The following CHST11 variants were observed in gnomAD, a reference collection of about 807,000 sequenced individuals.
The protein encoded by CHST11 is C4S-1.
CHST11 carries 9 observed loss-of-function variants against 30.4 expected under a neutral mutation model. That is an observed-to-expected ratio of 0.30 (90% CI 0.18 to 0.52). The LOEUF is 0.52. Ranked by LOEUF, CHST11 falls within the 20% of genes least tolerant of loss-of-function variation. The pLI, the probability that CHST11 is intolerant of heterozygous loss-of-function variation, is 0.97. For synonymous variants in CHST11, 152 were observed against 187.8 expected (o/e 0.81, Z 1.56); for missense variants, 348 against 460.6 (o/e 0.76, Z 2.24).
At chr12:104,622,660 C>A (rs1211830077) in intron 2 of CHST11, among the ~76,000 whole-genome samples, 1 of 152,142 alleles carries the variant, frequency 6.6e-6, no homozygotes, top group African/African-American at 2.4e-5. Flanking sequence ...GAGCAGACAC[C>A]CCTGCCAGGC....
At chr12:104,749,614 C>T (rs1489047726) in intron 2 of CHST11, among the ~76,000 whole-genome samples, 6 of 152,176 alleles carry the variant, frequency 3.9e-5, no homozygotes, top group East Asian at 1.9e-4. Flanking sequence ...TATGAGGGAA[C>T]GGGTTTTTCT....
chr12:104,736,957 G>T (rs1292723000), intron 2 of CHST11, among the ~76,000 whole-genome samples: 2 of 152,188 alleles, frequency 1.3e-5, no homozygotes, highest in Non-Finnish European at 2.9e-5. Context: ...GCTTAAGAAG[G>T]CCAAACCTCA....
intron 2 of CHST11, among the ~76,000 whole-genome samples, chr12:104,605,079 C>T (rs765989416): frequency 7.1e-6 from 1 of 141,702 alleles, no homozygotes; most frequent in South Asian, 2.2e-4. Context: ...ATCCAAATTT[C>T]TTTACCTCTA....
At chr12:104,548,566 T>C (rs2038374936) in intron 1 of CHST11, among the ~76,000 whole-genome samples, 1 of 152,194 alleles carries the variant, frequency 6.6e-6, no homozygotes, top group African/African-American at 2.4e-5. Context: ...ACACTAACAA[T>C]GTTTAAACTT....
At chr12:104,747,252 C>G (rs1770789965) in intron 2 of CHST11, among the ~76,000 whole-genome samples, 1 of 152,240 alleles carries the variant, frequency 6.6e-6, no homozygotes, top group South Asian at 2.1e-4. Flanking sequence ...GGAGGCTGCA[C>G]CATGCAGGGT....
intron 1 of CHST11, among the ~76,000 whole-genome samples, chr12:104,479,646 A>G (rs1360751924): frequency 6.6e-6 from 1 of 152,186 alleles, no homozygotes; most frequent in Non-Finnish European, 1.5e-5. Flanking sequence ...AAAAATATAT[A>G]ATTAGATTTT....
intron 2 of CHST11, among the ~76,000 whole-genome samples, chr12:104,608,468 A>G (rs1357913502): frequency 6.6e-6 from 1 of 152,146 alleles, no homozygotes; most frequent in East Asian, 1.9e-4. Context: ...TCTTGAGCAC[A>G]CGGCACAAGC....
intron 1 of CHST11, among the ~76,000 whole-genome samples, chr12:104,541,032 G>A (rs948753988): frequency 5.9e-5 from 9 of 152,194 alleles, no homozygotes; most frequent in East Asian, 3.9e-4. Flanking sequence ...ATGACCCAGC[G>A]TCCCTGAGGT....
chr12:104,580,109 C>G (rs868098271), intron 1 of CHST11, among the ~76,000 whole-genome samples: 1 of 152,198 alleles, frequency 6.6e-6, no homozygotes, highest in East Asian at 1.9e-4. Context: ...TTTCAAGGCC[C>G]TTCAGCTAGT....
In CHST11 at chr12:104,593,543, G is replaced by A. The variant is rs144725712; in HGVS notation, c.119-8363G>A. On this transcript the variant is annotated intron_variant, in intron 1 of 2. Coordinates refer to ENST00000303694, the MANE Select transcript of CHST11 (RefSeq NM_018413.6). ...TGTAAAGCTCCTGAAGGCCTGATTGGTGGGAGGATATCGGGTCAACATTTG... is the reference window on the plus strand; with the variant it reads ...TGTAAAGCTCCTGAAGGCCTGATTGATGGGAGGATATCGGGTCAACATTTG... Among the ~76,000 whole-genome samples the A allele has an allele frequency of 7.5e-3, 1,137 of 152,328 alleles. 21 individuals are homozygous for A. The highest frequency in any genetic ancestry group is 0.026 in the African/African-American group (1,071 of 41,554).
At chr12:104,615,599 A>G (rs971615818) in intron 2 of CHST11, among the ~76,000 whole-genome samples, 5 of 152,126 alleles carry the variant, frequency 3.3e-5, no homozygotes, top group Non-Finnish European at 7.3e-5. Context: ...GCTTCTTACC[A>G]GCTCTGTGCC....
At chr12:104,461,472 G>T (rs1319248465) in intron 1 of CHST11, among the ~76,000 whole-genome samples, 1 of 152,244 alleles carries the variant, frequency 6.6e-6, no homozygotes, top group Non-Finnish European at 1.5e-5. Flanking sequence ...GCTGGGTTTT[G>T]ATGGAGCTGT....
intron 2 of CHST11, among the ~76,000 whole-genome samples, chr12:104,719,583 T>C (rs929033352): frequency 2.0e-5 from 3 of 152,222 alleles, no homozygotes; most frequent in Non-Finnish European, 4.4e-5. Flanking sequence ...AGTCTTTTTT[T>C]AATTCTAAGA....
At chr12:104,570,161 A>G (rs1167744399) in intron 1 of CHST11, among the ~76,000 whole-genome samples, 1 of 151,768 alleles carries the variant, frequency 6.6e-6, no homozygotes, top group Non-Finnish European at 1.5e-5. Context: ...TGCCCTCCCC[A>G]CCCCACCTCT....
intron 2 of CHST11, among the ~76,000 whole-genome samples, chr12:104,695,431 A>G (rs558116118): frequency 9.7e-5 from 14 of 144,480 alleles, no homozygotes; most frequent in African/African-American, 3.3e-4. Flanking sequence ...TGAAAACACA[A>G]TTCACAACAC....
At chr12:104,515,098 ATTG>A (rs2038009393) in intron 1 of CHST11, among the ~76,000 whole-genome samples, 1 of 152,212 alleles carries the variant, frequency 6.6e-6, no homozygotes, top group Non-Finnish European at 1.5e-5. Flanking sequence ...TGAGCTAAGA[ATTG>A]TTTTTACATC....
At chr12:104,689,178 G>A (rs1418373530) in intron 2 of CHST11, among the ~76,000 whole-genome samples, 1 of 152,212 alleles carries the variant, frequency 6.6e-6, no homozygotes, top group Non-Finnish European at 1.5e-5. Context: ...TGCCTGCAAT[G>A]AGTAAGGATT....
chr12:104,482,346 C>G (rs1030445377), intron 1 of CHST11, among the ~76,000 whole-genome samples: 3 of 88,560 alleles, frequency 3.4e-5, no homozygotes, highest in Non-Finnish European at 2.3e-5. Context: ...AACAGGGAGC[C>G]CCCCCCCGCA....
intron 1 of CHST11, among the ~76,000 whole-genome samples, chr12:104,494,028 G>A (rs1358750571): frequency 6.6e-6 from 1 of 152,166 alleles, no homozygotes; most frequent in East Asian, 1.9e-4. Flanking sequence ...GGCTGGTCTT[G>A]AATTTCCGGG....
Sources: gnomAD v4.1 joint callset for allele counts (sites outside exome capture counted in the v4.1 genomes callset) on GRCh38, gnomAD v4.1.1 for gene constraint, MANE v1.5 for transcripts, NCBI Gene and HGNC (gene_info 2026-07-23, HGNC 2026-07-21) for gene names.